Variants in RSPO3 observed in about 807,000 individuals in gnomAD.
RSPO3 encodes R-spondin 3.
Under a neutral mutation model 36.5 loss-of-function variants are expected in RSPO3, and 17 were observed. The ratio of observed to expected loss-of-function variants is 0.47; its 90% confidence interval spans 0.32 to 0.70. RSPO3 has a LOEUF of 0.70. RSPO3 is among the 30% of genes least tolerant of loss of function. RSPO3 has a pLI of 0.04. For synonymous variants in RSPO3, 108 were observed against 107.0 expected (o/e 1.01, Z -0.06); for missense variants, 294 against 322.5 (o/e 0.91, Z 0.68).
chr6:127,195,648 C>T (rs1435954352), intron 4 of RSPO3, among the ~76,000 whole-genome samples, 175 bp from the exon 5 acceptor site: 1 of 152,088 alleles, frequency 6.6e-6, no homozygotes, highest in Non-Finnish European at 1.5e-5. Context: ...TTCACATTTA[C>T]ATTGTTTGGA....
At chr6:127,152,899 A>T (rs1774517793) in intron 3 of RSPO3, among the ~76,000 whole-genome samples, 1 of 152,112 alleles carries the variant, frequency 6.6e-6, no homozygotes, top group African/African-American at 2.4e-5. Flanking sequence ...CACAGAGAGA[A>T]TATATCTCAC....
At chr6:127,192,718 C>G in intron 4 of RSPO3, 1 of 981,278 alleles carries the variant, frequency 1.0e-6, no homozygotes, top group Non-Finnish European at 1.2e-6. Context: ...CAGGTACGTG[C>G]GTGTACACAT....
At chr6:127,150,342 G>A in intron 2 of RSPO3, 84 bp from the exon 3 acceptor site, 2 of 1,318,962 alleles carry the variant, frequency 1.5e-6, no homozygotes, top group Non-Finnish European at 2.1e-6. Context: ...AAAGTTGTGT[G>A]TGGCTGTGTC....
At chr6:127,174,089 A>C (rs1194566742) in intron 4 of RSPO3, among the ~76,000 whole-genome samples, 2 of 118,664 alleles carry the variant, frequency 1.7e-5, no homozygotes, top group African/African-American at 5.7e-5. Flanking sequence ...ACATCAGTGC[A>C]TTTCTAATAA....
chr6:127,119,167 A>G lies in RSPO3; in HGVS notation c.-26A>G. 1 of 1,484,778 alleles carries G rather than the reference A, an allele frequency of 6.7e-7. No homozygotes were observed. Among genetic ancestry groups the G allele is most frequent in the Non-Finnish European group, 9.4e-7 (1 of 1,066,638 alleles). 92.0% of individuals were successfully genotyped at this position (1,484,778 alleles called of 1,614,324 possible). ...TTAACAATCAAAAGAAAGAGGAGAAAGGAAGGGAAGCATTACTGGGTTACT... is the reference window on the plus strand; with the variant it reads ...TTAACAATCAAAAGAAAGAGGAGAAGGGAAGGGAAGCATTACTGGGTTACT... On this transcript the variant is annotated 5_prime_UTR_variant, in exon 1 of 5. Coordinates refer to ENST00000356698, the MANE Select transcript of RSPO3 (RefSeq NM_032784.5).
intron 4 of RSPO3, among the ~76,000 whole-genome samples, chr6:127,156,296 T>C (rs1936808): frequency 0.11 from 16,604 of 152,136 alleles, 1,731 homozygotes; most frequent in African/African-American, 0.28. Flanking sequence ...CTATTAGAAT[T>C]TGCTGTGAAA....
Position 127,196,188 on chromosome 6 carries a change from C to T in RSPO3, c.*181C>T. On this transcript the variant is annotated 3_prime_UTR_variant, in exon 5 of 5. Coordinates refer to ENST00000356698, the MANE Select transcript of RSPO3 (RefSeq NM_032784.5). ...AGTTAACAACAAAGAGCCAAAAGAT[C>T]AAAGAAGGGATACTTTCAGATGGTT... 2.5e-6 allele frequency: 1 copy of T among 407,030 alleles called. No homozygotes were observed. Among genetic ancestry groups the T allele is most frequent in the Non-Finnish European group, 4.3e-6 (1 of 232,728 alleles). 25.2% of individuals were successfully genotyped at this position (407,030 alleles called of 1,614,324 possible).
Position 127,150,562 on chromosome 6 carries a change from T to C in RSPO3, c.426T>C (p.Cys142=). 1.9e-6 allele frequency: 3 copies of C among 1,608,922 alleles called. No homozygotes were observed. The highest frequency in any genetic ancestry group is 2.5e-6 in the Non-Finnish European group (3 of 1,177,754). ...GLEANNHTME[C]VSIVHCEVSE... is the part of the protein sequence containing the mutation. ...AAGCCAACAACCATACTATGGAGTG[T>C]GTCAGTATTGGTAAGGAGAACCTGT... The change falls in exon 3 of 5, where the codon TGT becomes TGC. Residue 142 remains cysteine (C), a synonymous_variant. Coordinates refer to ENST00000356698, the MANE Select transcript of RSPO3 (RefSeq NM_032784.5).
chr6:127,146,120 A>G (rs1236992961), intron 1 of RSPO3, among the ~76,000 whole-genome samples: 1 of 152,196 alleles, frequency 6.6e-6, no homozygotes, highest in Non-Finnish European at 1.5e-5. Context: ...TCCCACAGCC[A>G]GCATTTAAAC....
At chr6:127,195,750 CA>C in intron 4 of RSPO3, 72 bp from the exon 5 acceptor site, 1 of 1,048,470 alleles carries the variant, frequency 9.5e-7, no homozygotes, top group Non-Finnish European at 1.3e-6. Flanking sequence ...AAATTTAAGT[CA>C]TTTTTTAAAA....
rs56388820 is a variant in RSPO3, at chr6:127,144,643, G to GTTTTTTTTTTTTTTTTTTTTT, written c.98-3992_98-3991insTTTTTTTTTTTTTTTTTTTTT. ...TGTAATTTTTCAGTAGCTTCCCCTT[G>GTTTTTTTTTTTTTTTTTTTTT]TTTTTTTTTTTTTCAGACAGAGTCT... On this transcript the variant is annotated intron_variant, in intron 1 of 4. Transcript: ENST00000356698. Among the ~76,000 whole-genome samples, 65 of 99,104 alleles carry GTTTTTTTTTTTTTTTTTTTTT rather than the reference G, an allele frequency of 6.6e-4. 15 individuals are homozygous for GTTTTTTTTTTTTTTTTTTTTT. Among genetic ancestry groups the GTTTTTTTTTTTTTTTTTTTTT allele is most frequent in the African/African-American group, 2.0e-3 (47 of 24,094 alleles). 65.0% of individuals were successfully genotyped at this position (99,104 alleles called of 152,430 possible). A position where few individuals can be genotyped will look rare whatever the true frequency, so the allele number is the denominator to read the frequency against.
At chr6:127,138,510 G>A (rs938377966) in intron 1 of RSPO3, among the ~76,000 whole-genome samples, 1 of 152,104 alleles carries the variant, frequency 6.6e-6, no homozygotes, top group Non-Finnish European at 1.5e-5. Context: ...GCTGCCAGCT[G>A]CTTCAAATAT....
chr6:127,170,432 C>A (rs1331151052), intron 4 of RSPO3, among the ~76,000 whole-genome samples: 1 of 124,752 alleles, frequency 8.0e-6, no homozygotes, highest in Non-Finnish European at 1.8e-5. Context: ...TGGTTCCACA[C>A]ATACACACAC....
chr6:127,177,892 C>T (rs1582810421), intron 4 of RSPO3, among the ~76,000 whole-genome samples: 2 of 150,776 alleles, frequency 1.3e-5, no homozygotes, highest in East Asian at 3.9e-4. Flanking sequence ...TTATAGTTCT[C>T]TTGGTTTTTT....
intron 4 of RSPO3, among the ~76,000 whole-genome samples, chr6:127,185,624 C>T (rs998018379): frequency 2.0e-5 from 3 of 151,986 alleles, no homozygotes; most frequent in East Asian, 1.9e-4. Context: ...ACACATGATA[C>T]GTGGAGCAGC....
chr6:127,137,938 T>C (rs1348729855), intron 1 of RSPO3, among the ~76,000 whole-genome samples: 2 of 152,216 alleles, frequency 1.3e-5, no homozygotes, highest in Non-Finnish European at 2.9e-5. Context: ...TCTCTCAGTA[T>C]GATCAGTACC....
Position 127,197,502 on chromosome 6 carries a change from A to T in RSPO3, c.*1495A>T. On this transcript the variant is annotated 3_prime_UTR_variant, in exon 5 of 5. Coordinates refer to ENST00000356698, the MANE Select transcript of RSPO3 (RefSeq NM_032784.5). ...CAGCCCACCCCTTGCAGGAGGAGGT[A>T]TCTCTGAGTGTGCAGCACAGAATCG... is the stretch of plus-strand genomic sequence containing the variant. 1 of 1,550,566 alleles carries T rather than the reference A, an allele frequency of 6.4e-7. No homozygotes were observed. Among genetic ancestry groups the T allele is most frequent in the Non-Finnish European group, 8.7e-7 (1 of 1,146,976 alleles).
rs796784902 is a variant in RSPO3, at chr6:127,199,107, G to A, written c.*3100G>A. 9.8e-5 allele frequency among the ~76,000 whole-genome samples: 15 copies of A among 152,306 alleles called. No homozygotes were observed. Among genetic ancestry groups the A allele is most frequent in the African/African-American group, 3.1e-4 (13 of 41,576 alleles). ...AAATGGAAAGTGCACTGGTGCTAGC[G>A]TTAGACAGCTTGTGTTAATGTCTCA... is the stretch of plus-strand genomic sequence containing the variant. On this transcript the variant is annotated 3_prime_UTR_variant, in exon 5 of 5. Coordinates refer to ENST00000356698, the MANE Select transcript of RSPO3 (RefSeq NM_032784.5).
At chr6:127,119,446 C>G (rs958878906) in intron 1 of RSPO3, among the ~76,000 whole-genome samples, 157 bp downstream of exon 1, 11 of 152,206 alleles carry the variant, frequency 7.2e-5, no homozygotes, top group Non-Finnish European at 1.5e-4. Context: ...TGGACGGCGT[C>G]TTTCACCCTT....
Sources: allele counts gnomAD v4.1 joint callset (sites outside exome capture counted in the v4.1 genomes callset), GRCh38; gene constraint gnomAD v4.1.1; transcripts MANE v1.5; gene names NCBI Gene and HGNC (gene_info 2026-07-23, HGNC 2026-07-21).